MIB1: variants seen among roughly 807,000 people sequenced by gnomAD.
MIB1 encodes E3 ubiquitin-protein ligase MIB1.
MIB1 carries 278 observed loss-of-function variants against 124.5 expected under a neutral mutation model. That is an observed-to-expected ratio of 2.23 (90% CI 2.02 to 2.47). The LOEUF is 2.47. Ranked by LOEUF, MIB1 falls within the 30% of genes most tolerant of loss-of-function variation. The probability of loss-of-function intolerance (pLI) is 0.00; values close to 1 mark genes in which losing one functional copy is unlikely to be tolerated. For missense variants in MIB1, 957 were observed against 1,254.4 expected (o/e 0.76, Z 3.58); for synonymous variants, 446 against 429.4 (o/e 1.04, Z -0.48).
At chr18:21,803,558 G>A (rs1005756675) in intron 9 of MIB1, among the ~76,000 whole-genome samples, 2 of 152,078 alleles carry the variant, frequency 1.3e-5, no homozygotes, top group African/African-American at 4.8e-5. Context: ...TCACTTCAGT[G>A]CTTTTTTTCA....
intron 12 of MIB1, among the ~76,000 whole-genome samples, chr18:21,820,427 TTTTATATCATGTTTCC>T (rs1278294509): frequency 1.3e-5 from 2 of 152,160 alleles, no homozygotes; most frequent in Non-Finnish European, 2.9e-5. Flanking sequence ...CTTATTGTAT[TTTTATATCATGTTTCC>T]TTTAGCTTCT....
chr18:21,846,557 T>A (rs925506292), intron 15 of MIB1, among the ~76,000 whole-genome samples: 1 of 152,232 alleles, frequency 6.6e-6, no homozygotes, highest in Non-Finnish European at 1.5e-5. Context: ...GGTTGCTAGC[T>A]GCTCCAGAGC....
intron 1 of MIB1, among the ~76,000 whole-genome samples, chr18:21,720,727 T>C (rs2040710647): frequency 6.6e-6 from 1 of 152,074 alleles, no homozygotes; most frequent in Non-Finnish European, 1.5e-5. Context: ...GAGGGGTAAA[T>C]TGCTTGAGGC....
chr18:21,821,564 A>G (rs1313078551), intron 12 of MIB1, among the ~76,000 whole-genome samples: 1 of 148,034 alleles, frequency 6.8e-6, no homozygotes, highest in Non-Finnish European at 1.5e-5. Flanking sequence ...TGTTTGCTCT[A>G]TACTTCCTTG....
chr18:21,738,518 A>C (rs1057420632), upstream of MIB1, among the ~76,000 whole-genome samples: 13 of 152,122 alleles, frequency 8.5e-5, no homozygotes, highest in Non-Finnish European at 1.5e-4. Flanking sequence ...AATTAAAATA[A>C]CTAGAGAGGC....
intron 1 of MIB1, among the ~76,000 whole-genome samples, chr18:21,727,672 G>A (rs1280067701): frequency 1.3e-5 from 2 of 152,192 alleles, no homozygotes; most frequent in Non-Finnish European, 2.9e-5. Context: ...GCTGAGGTGA[G>A]GGGATAGCTT....
chr18:21,791,565 T>A lies in MIB1; in HGVS notation c.1092+8T>A, dbSNP rs763597252. On this transcript the variant is annotated splice_region_variant and intron_variant, in intron 7 of 20. Coordinates refer to ENST00000261537, the MANE Select transcript of MIB1 (RefSeq NM_020774.4). The stretch of plus-strand genomic sequence containing the variant: ...GCTGAAGCGATGCTTCCAGTAAGTA[T>A]GTTTAGAATAATTCTGGGCTAGAAA... 1 of 1,600,316 alleles carries A rather than the reference T, an allele frequency of 6.2e-7. No individual in the cohort carries two copies. The highest frequency in any genetic ancestry group is 1.3e-5 in the African/African-American group (1 of 74,594).
intron 6 of MIB1, among the ~76,000 whole-genome samples, chr18:21,786,554 A>G (rs2041438006): frequency 7.0e-6 from 1 of 143,736 alleles, no homozygotes; most frequent in South Asian, 2.2e-4. Flanking sequence ...CTCTTTCTCA[A>G]CTCTCTCTTG....
At chr18:21,731,601 G>A (rs901214029) in intron 1 of MIB1, among the ~76,000 whole-genome samples, 18 of 151,926 alleles carry the variant, frequency 1.2e-4, no homozygotes, top group African/African-American at 3.4e-4. Context: ...GCGTGGTGGC[G>A]GGCACCTGTA....
chr18:21,713,612 CAAAAAAAAAAAAA>C (rs57282241), intron 1 of MIB1, among the ~76,000 whole-genome samples: 3 of 44,212 alleles, frequency 6.8e-5, no homozygotes, highest in Non-Finnish European at 1.4e-4. Flanking sequence ...GATTCTGTCT[CAAAAAAAAAAAAA>C]AAAAAAAAAA....
chr18:21,717,304 A>G (rs1452617462), intron 1 of MIB1, among the ~76,000 whole-genome samples: 1 of 152,310 alleles, frequency 6.6e-6, no homozygotes, highest in African/African-American at 2.4e-5. Context: ...AGAAGATAAC[A>G]TTGAAAAAAC....
chr18:21,797,791 A>G (rs1026948645), intron 7 of MIB1, among the ~76,000 whole-genome samples: 4 of 152,120 alleles, frequency 2.6e-5, no homozygotes, highest in African/African-American at 9.7e-5. Flanking sequence ...TGTACCTTAC[A>G]GATTTCAGAA....
At chr18:21,859,275 C>G (rs989145246) in intron 20 of MIB1, among the ~76,000 whole-genome samples, 1 of 151,706 alleles carries the variant, frequency 6.6e-6, no homozygotes, top group Non-Finnish European at 1.5e-5. Flanking sequence ...GTGTGGTGAC[C>G]TCCCAACTAC....
At chr18:21,708,028 T>C (rs999066550) in intron 1 of MIB1, among the ~76,000 whole-genome samples, 12 of 152,162 alleles carry the variant, frequency 7.9e-5, no homozygotes, top group Non-Finnish European at 1.2e-4. Context: ...AATTCCATCA[T>C]AGGGACCCTG....
intron 19 of MIB1, 137 bp downstream of exon 19, chr18:21,857,380 GT>G: frequency 1.6e-6 from 1 of 620,786 alleles, no homozygotes; most frequent in South Asian, 2.0e-5. Flanking sequence ...AACAGGTATT[GT>G]TTTCTGGTGC....
chr18:21,791,195 C>T (rs865978465), intron 6 of MIB1, 179 bp from the exon 7 acceptor site: 5 of 350,728 alleles, frequency 1.4e-5, no homozygotes, highest in Non-Finnish European at 2.5e-5. Flanking sequence ...AAAAAAAAAA[C>T]AAAACAGAAA....
chr18:21,716,155 C>T (rs887577428), intron 1 of MIB1, among the ~76,000 whole-genome samples: 1 of 152,210 alleles, frequency 6.6e-6, no homozygotes, highest in Non-Finnish European at 1.5e-5. Context: ...ATCAGATTAA[C>T]AACAGATTTC....
intron 1 of MIB1, among the ~76,000 whole-genome samples, chr18:21,711,265 TTTTA>T (rs1350075408): frequency 2.6e-5 from 4 of 152,040 alleles, no homozygotes; most frequent in Admixed American, 1.3e-4. Flanking sequence ...AGACCCCACA[TTTTA>T]TTTATTTATT....
At chr18:21,738,463 C>T (rs532949303), upstream of MIB1, among the ~76,000 whole-genome samples, 1 of 152,104 alleles carries the variant, frequency 6.6e-6, no homozygotes, top group South Asian at 2.1e-4. Flanking sequence ...ACTAAATGCC[C>T]ACAGAGAAAG....
Sources: gnomAD v4.1 joint callset for allele counts (sites outside exome capture counted in the v4.1 genomes callset) on GRCh38, gnomAD v4.1.1 for gene constraint, MANE v1.5 for transcripts, NCBI Gene and HGNC (gene_info 2026-07-23, HGNC 2026-07-21) for gene names.